The following NDUFAF7 variants were observed in gnomAD, a reference collection of about 807,000 sequenced individuals.
The protein encoded by NDUFAF7 is protein arginine methyltransferase NDUFAF7, mitochondrial.
NDUFAF7 carries 48 observed loss-of-function variants against 47.2 expected under a neutral mutation model. The ratio of observed to expected loss-of-function variants is 1.02; its 90% CI spans 0.81 to 1.29. The LOEUF (loss-of-function observed/expected upper bound fraction) is 1.29, where lower values mean the gene tolerates loss of function less well. Among genes scored for constraint, NDUFAF7 ranks in the 50% most tolerant of loss-of-function variants. The probability of loss-of-function intolerance (pLI) is 0.00; values close to 1 mark genes in which losing one functional copy is unlikely to be tolerated. For synonymous variants in NDUFAF7, 217 were observed against 190.0 expected, an observed-to-expected ratio of 1.14 and a Z score of -1.17; for missense variants, 635 against 537.6, an observed-to-expected ratio of 1.18 and a Z score of -1.79.
At chr2:37,232,781 T>G (rs1665308820) in intron 2 of NDUFAF7, among the ~76,000 whole-genome samples, 1 of 152,254 alleles carries the variant, frequency 6.6e-6, no homozygotes. Context: ...GAATGCAGTC[T>G]GGGTCGTCTT....
the NDUFAF7 span, chr2:37,268,277 T>G: frequency 2.1e-6 from 1 of 469,374 alleles, no homozygotes. Flanking sequence ...AATGTGTGCA[T>G]TTTTGGTAAG....
chr2:37,267,691 G>A, the NDUFAF7 span: 1 of 588,662 alleles, frequency 1.7e-6, no homozygotes, highest in Non-Finnish European at 2.9e-6. Context: ...CTTTAATTTA[G>A]GAAAAAATTG....
At chr2:37,267,108 A>C in the NDUFAF7 span, among the ~76,000 whole-genome samples, 1 of 152,236 alleles carries the variant, frequency 6.6e-6, no homozygotes, top group Admixed American at 6.5e-5. Flanking sequence ...TTACTTGCAC[A>C]GTAATTGCTA....
At position 37,248,914 on chromosome 2, in the gene NDUFAF7, C is replaced by CCA. The variant is rs574919857; in HGVS notation, c.*564_*565insCA. 3 of 151,142 alleles carry CCA rather than the reference C, an allele frequency of 2.0e-5. No homozygotes were observed. Among genetic ancestry groups the CCA allele is most frequent in the African/African-American group, 7.4e-5 (3 of 40,354 alleles). The allele number at this position is 151,142 out of a possible 1,614,324, so 9.4% of individuals were successfully genotyped here. ...GGGCAACAAGAGCAAAAATCCCTCT[C>CCA]AAAAAAAAAAGTAAACATGGGCACT... On this transcript the variant is annotated 3_prime_UTR_variant, in exon 10 of 10. Coordinates refer to ENST00000002125, the MANE Select transcript of NDUFAF7 (RefSeq NM_144736.5).
chr2:37,240,091 T>C (rs924984123), intron 4 of NDUFAF7, among the ~76,000 whole-genome samples: 1 of 152,242 alleles, frequency 6.6e-6, no homozygotes, highest in Non-Finnish European at 1.5e-5. Flanking sequence ...TTGGAACTCA[T>C]TAGTGTTTTT....
At chr2:37,237,693 T>C in intron 3 of NDUFAF7, 64 bp from the exon 4 acceptor site, 1 of 1,255,572 alleles carries the variant, frequency 8.0e-7, no homozygotes, top group South Asian at 1.3e-5. Flanking sequence ...TGAAATTTTA[T>C]ATTGTGGTAT....
the NDUFAF7 span, among the ~76,000 whole-genome samples, chr2:37,271,160 AAT>A: frequency 6.6e-6 from 1 of 152,206 alleles, no homozygotes; most frequent in South Asian, 2.1e-4. Flanking sequence ...CAAGTAGAAA[AAT>A]AGAGATTTTA....
At chr2:37,252,113 C>T (rs1426179226), downstream of NDUFAF7, 1 of 152,170 alleles carries the variant, frequency 6.6e-6, no homozygotes, top group Non-Finnish European at 1.5e-5. Flanking sequence ...TCCTACACAT[C>T]CCCTCAAACT....
chr2:37,242,249 C>G (rs74438640), intron 5 of NDUFAF7: 1 of 259,124 alleles, frequency 3.9e-6, no homozygotes, highest in East Asian at 1.1e-4. Context: ...TGAGTCTTGA[C>G]TCAAAGCCAA....
chr2:37,242,277 G>T, intron 5 of NDUFAF7: 1 of 273,494 alleles, frequency 3.7e-6, no homozygotes, highest in Non-Finnish European at 7.0e-6. Context: ...GTACGATCTT[G>T]GGTAAGGGAT....
chr2:37,242,987 CA>C (rs1006017013), intron 6 of NDUFAF7, among the ~76,000 whole-genome samples: 2 of 149,630 alleles, frequency 1.3e-5, no homozygotes, highest in South Asian at 2.1e-4. Flanking sequence ...TTTACTTAAG[CA>C]AAAAAAAAAT....
At chr2:37,265,748 A>T in the NDUFAF7 span, among the ~76,000 whole-genome samples, 23 of 152,354 alleles carry the variant, frequency 1.5e-4, no homozygotes, top group South Asian at 4.1e-4. Flanking sequence ...GTATGAAAAT[A>T]GCATAGAGAC....
chr2:37,245,940 A>G, intron 7 of NDUFAF7, 112 bp from the exon 8 acceptor site: 1 of 1,235,388 alleles, frequency 8.1e-7, no homozygotes, highest in Non-Finnish European at 1.1e-6. Flanking sequence ...CATATTAAGA[A>G]TTTATTTTTA....
chr2:37,267,604 A>G, the NDUFAF7 span: 142 of 1,147,494 alleles, frequency 1.2e-4, 1 homozygote, highest in Middle Eastern at 2.0e-3. Context: ...TTGTCCACAG[A>G]CTGAAATTTA....
In NDUFAF7 at chr2:37,231,729, T is replaced by C. The variant is rs779014445; in HGVS notation, c.24T>C (p.Gly8=). 6.2e-7 allele frequency: 1 copy of C among 1,614,120 alleles called. No individual in the cohort carries two copies. Among genetic ancestry groups the C allele is most frequent in the Middle Eastern group, 1.6e-4 (1 of 6,062 alleles). ...GCATGAGTGTACTGCTGAGGTCAGGTTTGGGGCCGTTGTGTGCCGTGGCGC... is the reference window on the plus strand; with the variant it reads ...GCATGAGTGTACTGCTGAGGTCAGGCTTGGGGCCGTTGTGTGCCGTGGCGC... MSVLLRS[G]LGPLCAVARA... Residue 8 remains glycine (G), a synonymous_variant, in exon 1 of 10, where the codon GGT becomes GGC. Transcript: ENST00000002125.
At chr2:37,239,718 A>T (rs1235631593) in intron 4 of NDUFAF7, among the ~76,000 whole-genome samples, 2 of 145,740 alleles carry the variant, frequency 1.4e-5, no homozygotes, top group Non-Finnish European at 3.0e-5. Context: ...ACATGAAACA[A>T]GATGTGTGAA....
the NDUFAF7 span, among the ~76,000 whole-genome samples, chr2:37,270,568 T>C: frequency 5.3e-5 from 8 of 152,220 alleles, no homozygotes; most frequent in Non-Finnish European, 1.2e-4. Flanking sequence ...GGATGTTTAC[T>C]GTCAAAACTG....
intron 8 of NDUFAF7, among the ~76,000 whole-genome samples, chr2:37,246,489 TCA>T (rs2148439429): frequency 6.6e-6 from 1 of 152,298 alleles, no homozygotes; most frequent in South Asian, 2.1e-4. Flanking sequence ...AAGATTTTCT[TCA>T]CATTCTTAAA....
the NDUFAF7 span, among the ~76,000 whole-genome samples, chr2:37,270,819 A>G: frequency 1.3e-5 from 2 of 152,218 alleles, no homozygotes; most frequent in African/African-American, 2.4e-5. Flanking sequence ...TGCATATATA[A>G]TAACTGCTAG....
Sources: allele counts gnomAD v4.1 joint callset (sites outside exome capture counted in the v4.1 genomes callset), GRCh38; gene constraint gnomAD v4.1.1; transcripts MANE v1.5; gene names NCBI Gene and HGNC (gene_info 2026-07-23, HGNC 2026-07-21).